Variants in CAVIN3 observed in about 807,000 individuals in gnomAD.
The protein encoded by CAVIN3 is caveolae associated protein 3, also known as caveolae-associated protein 3.
CAVIN3 carries 11 observed loss-of-function variants against 8.2 expected under a neutral mutation model. The ratio of observed to expected loss-of-function variants is 1.35; its 90% confidence interval spans 0.85 to 2.23. The LOEUF (loss-of-function observed/expected upper bound fraction) is 2.23, where lower values mean the gene tolerates loss of function less well. CAVIN3 is among the 30% of genes most tolerant of loss of function. CAVIN3 has a pLI of 0.00. For missense variants in CAVIN3, 401 were observed against 359.5 expected, an observed-to-expected ratio of 1.12 and a Z score of -0.93; for synonymous variants, 191 against 166.3, an observed-to-expected ratio of 1.15 and a Z score of -1.14.
At position 6,319,334 on chromosome 11, in the gene CAVIN3, G is replaced by C. The variant is rs771036928; in HGVS notation, c.615C>G (p.Thr205=). ...GCCCAAGGCGAGGCGGCTTGACCGG[G>C]GTGGGCGGTGGCGCTGCAGGGCCTT... The part of the protein sequence containing the change: ...GRKGPAAPPP[T]PVKPPRLGPG... The change falls in exon 2 of 2, where the codon ACC becomes ACG. Residue 205 remains threonine (T), a synonymous_variant. Coordinates refer to ENST00000303927, the MANE Select transcript of CAVIN3 (RefSeq NM_145040.3). 6.2e-7 allele frequency: 1 copy of C among 1,600,908 alleles called. No homozygotes were observed. The highest frequency in any genetic ancestry group is 1.1e-5 in the South Asian group (1 of 89,426).
At position 6,318,949 on chromosome 11, in the gene CAVIN3, G is replaced by A. The variant is rs1252698136; in HGVS notation, c.*214C>T. 1.5e-5 allele frequency: 7 copies of A among 466,448 alleles called. No individual in the cohort carries two copies. The highest frequency in any genetic ancestry group is 2.7e-5 in the Non-Finnish European group (7 of 263,986). 28.9% of individuals were successfully genotyped at this position (466,448 alleles called of 1,614,324 possible). A position where few individuals can be genotyped will look rare whatever the true frequency, so the allele number is the denominator to read the frequency against. On this transcript the variant is annotated 3_prime_UTR_variant, in exon 2 of 2. Transcript: ENST00000303927. ...CATCCCTTCTCACGGAGTCTGGTTC[G>A]GGTGAAATTACTTTTATTGATGGTG...
In CAVIN3 at chr11:6,320,244, A is replaced by G; in HGVS notation, c.233T>C (p.Leu78Ser). ...SRSHDTTSNTLAQLLAKAERV... is the reference protein window; with the variant it reads ...SRSHDTTSNTSAQLLAKAERV... ...CTCCGCCTTGGCCAGCAGCTGCGCC[A>G]AGGTGTTGCTGGTGGTGTCGTGGCT... Residue 78 changes from leucine (L) to serine (S), a missense_variant, in exon 1 of 2, where the codon TTG (leucine) becomes TCG (serine). Coordinates refer to ENST00000303927, the MANE Select transcript of CAVIN3 (RefSeq NM_145040.3). The G allele has an allele frequency of 6.4e-7, 1 of 1,565,016 alleles. No individual in the cohort carries two copies. Among genetic ancestry groups the G allele is most frequent in the Non-Finnish European group, 8.6e-7 (1 of 1,162,194 alleles).
At position 6,320,098 on chromosome 11, in the gene CAVIN3, A is replaced by G. The variant is rs773223826; in HGVS notation, c.379T>C (p.Phe127Leu). ...GACCGTTTGAGGTCACTGACCTTGA[A>G]GAGCAGAACGTGGAGCTTCCCGCGC... Reference protein sequence around the residue: ...VARGKLHVLLFKEEGEVPASA... With the variant: ...VARGKLHVLLLKEEGEVPASA... The change falls in exon 1 of 2, where the codon TTC becomes CTC. Residue 127 changes from phenylalanine (F) to leucine (L), a missense_variant. Transcript: ENST00000303927. The G allele has an allele frequency of 6.3e-7, 1 of 1,589,654 alleles. No individual in the cohort carries two copies.
At position 6,319,584 on chromosome 11, in the gene CAVIN3, C is replaced by T. The variant is rs1297867236; in HGVS notation, c.385-20G>A. The T allele has an allele frequency of 3.2e-6, 5 of 1,555,604 alleles. No homozygotes were observed. In the Admixed American group the frequency reaches 5.6e-5, roughly 18 times the overall value. On this transcript the variant is annotated intron_variant, in intron 1 of 1. Coordinates refer to ENST00000303927, the MANE Select transcript of CAVIN3 (RefSeq NM_145040.3). ...CTCCTCCTGCATGTGACGGACACAGCACTGATCCTGGCAGCTCCTTACCCC... is the reference window on the plus strand; with the variant it reads ...CTCCTCCTGCATGTGACGGACACAGTACTGATCCTGGCAGCTCCTTACCCC...
chr11:6,320,007 G>A (rs1364987436), intron 1 of CAVIN3, 86 bp downstream of exon 1: 17 of 1,375,092 alleles, frequency 1.2e-5, no homozygotes, highest in Non-Finnish European at 1.7e-5. Context: ...TGTGGGTGTG[G>A]TAGGTGGATG....
chr11:6,319,782 C>G, intron 1 of CAVIN3: 2 of 693,724 alleles, frequency 2.9e-6, no homozygotes, highest in Non-Finnish European at 5.0e-6. Context: ...GGATAGTGCC[C>G]GCAGTCACGG....
In CAVIN3 at chr11:6,320,260, TGTC is replaced by T. The variant is rs759765169; in HGVS notation, c.214_216del (p.Asp72del). On this transcript the variant is annotated inframe_deletion, in exon 1 of 2. Coordinates refer to ENST00000303927, the MANE Select transcript of CAVIN3 (RefSeq NM_145040.3). ...AGCTGCGCCAAGGTGTTGCTGGTGG[TGTC>T]GTGGCTGCGACTCAGAGCGCCCAGG... The T allele has an allele frequency of 1.4e-5, 22 of 1,564,504 alleles. No homozygotes were observed. The African/African-American group carries it at 2.4e-4, about 17-fold the overall frequency.
intron 1 of CAVIN3, 121 bp from the exon 2 acceptor site, chr11:6,319,685 C>A (rs1186230953): frequency 7.8e-7 from 1 of 1,288,086 alleles, no homozygotes; most frequent in South Asian, 1.3e-5. Context: ...GGGGGAAAGG[C>A]AGGCGTGGGA....
chr11:6,320,221 C>T lies in CAVIN3; in HGVS notation c.256G>A (p.Glu86Lys). The change falls in exon 1 of 2, where the codon GAG becomes AAG. Residue 86 changes from glutamate (E) to lysine (K), a missense_variant. Transcript: ENST00000303927. ...NTLAQLLAKAERVSSHANAAQ... is the reference protein window; with the variant it reads ...NTLAQLLAKAKRVSSHANAAQ... ...GCGTTGGCGTGCGAGCTCACGCGCT[C>T]CGCCTTGGCCAGCAGCTGCGCCAAG... is the stretch of plus-strand genomic sequence containing the variant. 1 of 1,563,410 alleles carries T rather than the reference C, an allele frequency of 6.4e-7. No individual in the cohort carries two copies. The highest frequency in any genetic ancestry group is 1.7e-4 in the Middle Eastern group (1 of 5,882).
Position 6,320,128 on chromosome 11 carries a change from C to A in CAVIN3, c.349G>T (p.Val117Leu). The stretch of plus-strand genomic sequence containing the variant: ...AGAACGTGGAGCTTCCCGCGCGCCA[C>A]CAGCAGCCCGTGGTTGGCCTCCAGC... The part of the protein sequence containing the change: ...QRLEANHGLL[V>L]ARGKLHVLLF... The change falls in exon 1 of 2, where the codon GTG (valine) becomes TTG (leucine). Residue 117 changes from valine (V) to leucine (L), a missense_variant. Val to Leu is a conservative substitution (Grantham distance 32). Transcript: ENST00000303927. 1 of 1,590,420 alleles carries A rather than the reference C, an allele frequency of 6.3e-7. No homozygotes were observed. The highest frequency in any genetic ancestry group is 1.1e-5 in the South Asian group (1 of 89,932).
In CAVIN3 at chr11:6,319,325, C is replaced by T. The variant is rs1275429380; in HGVS notation, c.624G>A (p.Lys208=). The change falls in exon 2 of 2, where the codon AAG becomes AAA. Residue 208 remains lysine, a synonymous_variant. Coordinates refer to ENST00000303927, the MANE Select transcript of CAVIN3 (RefSeq NM_145040.3). ...GPAAPPPTPV[K]PPRLGPGRSA... is the part of the protein sequence containing the mutation. ...TCCGGCCAGGCCCAAGGCGAGGCGG[C>T]TTGACCGGGGTGGGCGGTGGCGCTG... is the stretch of plus-strand genomic sequence containing the variant. 4 of 1,604,130 alleles carry T rather than the reference C, an allele frequency of 2.5e-6. No homozygotes were observed. The South Asian group carries it at 4.5e-5, about 18-fold the overall frequency.
chr11:6,319,837 A>C, intron 1 of CAVIN3: 1 of 666,494 alleles, frequency 1.5e-6, no homozygotes, highest in Non-Finnish European at 2.6e-6. Flanking sequence ...GCTGGGACTC[A>C]GACCAAATTC....
In CAVIN3 at chr11:6,320,099, G is replaced by A. The variant is rs1010128468; in HGVS notation, c.378C>T (p.Leu126=). Residue 126 remains leucine (L), a synonymous_variant, in exon 1 of 2, where the codon CTC becomes CTT. Transcript: ENST00000303927. ...ACCGTTTGAGGTCACTGACCTTGAA[G>A]AGCAGAACGTGGAGCTTCCCGCGCG... ...LVARGKLHVL[L]FKEEGEVPAS... The A allele has an allele frequency of 3.8e-6, 6 of 1,590,092 alleles. No individual in the cohort carries two copies. Among genetic ancestry groups the A allele is most frequent in the Non-Finnish European group, 5.1e-6 (6 of 1,176,310 alleles).
At position 6,320,092 on chromosome 11, in the gene CAVIN3, C is replaced by T. The variant is rs1846804787; in HGVS notation, c.384+1G>A. On this transcript the variant is annotated splice_donor_variant, in intron 1 of 1. Transcript: ENST00000303927. LOFTEE classifies it high-confidence loss of function. ...ATTGGGGACCGTTTGAGGTCACTGA[C>T]CTTGAAGAGCAGAACGTGGAGCTTC... is the stretch of plus-strand genomic sequence containing the variant. The T allele has an allele frequency of 4.4e-6, 7 of 1,587,606 alleles. No individual in the cohort carries two copies. The highest frequency in any genetic ancestry group is 1.1e-5 in the South Asian group (1 of 89,116).
At chr11:6,319,670 GTC>G (rs1846787118) in intron 1 of CAVIN3, 106 bp from the exon 2 acceptor site, 6 of 1,380,200 alleles carry the variant, frequency 4.3e-6, no homozygotes, top group Non-Finnish European at 6.0e-6. Flanking sequence ...CGCAGCCAGA[GTC>G]TGGGGGGAAA....
At position 6,319,402 on chromosome 11, in the gene CAVIN3, A is replaced by T. The variant is rs1846775999; in HGVS notation, c.547T>A (p.Leu183Met). The T allele has an allele frequency of 6.2e-7, 1 of 1,610,934 alleles. No homozygotes were observed. The highest frequency in any genetic ancestry group is 1.3e-5 in the African/African-American group (1 of 74,974). ...SRAQRLRRTG[L>M]QKVQSLRRAL... ...CTTCGGAGGCTCTGTACCTTCTGCA[A>T]TCCGGTGCGCCGCAGCCGCTGGGCC... Residue 183 changes from leucine (L) to methionine (M), a missense_variant, in exon 2 of 2, where the codon TTG (leucine) becomes ATG (methionine). Leu to Met is a conservative substitution (Grantham distance 15). Transcript: ENST00000303927.
In CAVIN3 at chr11:6,319,396, T is replaced by C. The variant is rs777880839; in HGVS notation, c.553A>G (p.Lys185Glu). The C allele has an allele frequency of 6.2e-7, 1 of 1,610,640 alleles. No individual in the cohort carries two copies. The highest frequency in any genetic ancestry group is 8.5e-7 in the Non-Finnish European group (1 of 1,178,978). The change falls in exon 2 of 2, where the codon AAG becomes GAG. Residue 185 changes from lysine (K) to glutamate (E), a missense_variant. By Grantham distance (56) the Lys-to-Glu change is moderately conservative. Coordinates refer to ENST00000303927, the MANE Select transcript of CAVIN3 (RefSeq NM_145040.3). ...AGGGCCCTTCGGAGGCTCTGTACCT[T>C]CTGCAATCCGGTGCGCCGCAGCCGC... is the stretch of plus-strand genomic sequence containing the variant. Reference protein sequence around the residue: ...AQRLRRTGLQKVQSLRRALSG... With the variant: ...AQRLRRTGLQEVQSLRRALSG...
At chr11:6,319,884 G>A (rs1345220068) in intron 1 of CAVIN3, 12 of 696,702 alleles carry the variant, frequency 1.7e-5, no homozygotes, top group Non-Finnish European at 2.9e-5. Flanking sequence ...GGCGGGCTTG[G>A]ATTGGCCAGG....
At position 6,319,286 on chromosome 11, in the gene CAVIN3, C is replaced by G; in HGVS notation, c.663G>C (p.Gln221His). 6.2e-7 allele frequency: 1 copy of G among 1,609,468 alleles called. No homozygotes were observed. Among genetic ancestry groups the G allele is most frequent in the Admixed American group, 1.7e-5 (1 of 59,204 alleles). Residue 221 changes from glutamine to histidine, a missense_variant, in exon 2 of 2, where the codon CAG becomes CAC. Transcript: ENST00000303927. ...GCTCCAGCGCAGGCTGGGCTTCCGG[C>G]TGGGCTTCAGCGCTCCGGCCAGGCC... ...RLGPGRSAEA[Q>H]PEAQPALEPT...
Sources: gnomAD v4.1 joint callset for allele counts on GRCh38, gnomAD v4.1.1 for gene constraint, MANE v1.5 for transcripts, NCBI Gene and HGNC (gene_info 2026-07-23, HGNC 2026-07-21) for gene names.